The following MTARC1 variants were observed in gnomAD, a reference collection of about 807,000 sequenced individuals.
The protein encoded by MTARC1 is mitochondrial amidoxime reducing component 1, also known as mitochondrial amidoxime-reducing component 1.
MTARC1 carries 24 observed loss-of-function variants against 33.6 expected under a neutral mutation model. The ratio of observed to expected loss-of-function variants is 0.72; its 90% CI spans 0.52 to 1.01. The LOEUF is 1.01. Among genes scored for constraint, MTARC1 ranks in the 50% least tolerant of loss-of-function variants. The probability of loss-of-function intolerance (pLI) is 0.00; values close to 1 mark genes in which losing one functional copy is unlikely to be tolerated. For missense variants in MTARC1, 417 were observed against 445.7 expected, an observed-to-expected ratio of 0.94 and a Z score of 0.58; for synonymous variants, 187 against 189.5, an observed-to-expected ratio of 0.99 and a Z score of 0.11.
intron 4 of MTARC1, among the ~76,000 whole-genome samples, chr1:220,801,996 G>A (rs575562298): frequency 7.2e-5 from 11 of 152,194 alleles, no homozygotes; most frequent in East Asian, 3.9e-4. Flanking sequence ...GTCAGTGACC[G>A]TTTCTCAGTC....
At chr1:220,812,692 AGAT>A (rs757789975) in intron 6 of MTARC1, among the ~76,000 whole-genome samples, 1 of 152,138 alleles carries the variant, frequency 6.6e-6, no homozygotes, top group South Asian at 2.1e-4. Flanking sequence ...GGGCAAAGGA[AGAT>A]GATAAAGTAT....
intron 1 of MTARC1, 23 bp downstream of exon 1, chr1:220,787,242 G>A: frequency 1.9e-6 from 3 of 1,548,324 alleles, no homozygotes; most frequent in Non-Finnish European, 2.6e-6. Flanking sequence ...GCCGGCGCGG[G>A]GCAGCGCTGA....
intron 6 of MTARC1, chr1:220,808,862 A>G (rs776127605): frequency 6.4e-6 from 3 of 471,166 alleles, no homozygotes; most frequent in Non-Finnish European, 1.3e-5. Context: ...TCTTAAGGGA[A>G]AGTGACGTAC....
At chr1:220,792,197 C>A (rs1672446433) in intron 2 of MTARC1, among the ~76,000 whole-genome samples, 1 of 152,192 alleles carries the variant, frequency 6.6e-6, no homozygotes, top group Admixed American at 6.5e-5. Context: ...CAGCCAGCGG[C>A]TGCCCAGGGG....
In MTARC1 at chr1:220,791,543, C is replaced by G. The variant is rs1476661162; in HGVS notation, c.328C>G (p.Pro110Ala). 1 of 1,614,170 alleles carries G rather than the reference C, an allele frequency of 6.2e-7. No homozygotes were observed. The highest frequency in any genetic ancestry group is 1.1e-5 in the South Asian group (1 of 91,086). ...EGNMVTARQE[P>A]RLVLISLTCD... ...AAACATGGTTACTGCTCGCCAGGAA[C>G]CTCGCCTGGTCCTGATTTCCCTGAC... The change falls in exon 2 of 7, where the codon CCT becomes GCT. Residue 110 changes from proline to alanine, a missense_variant. Physicochemically the swap from Pro to Ala is conservative, Grantham distance 27. Coordinates refer to ENST00000366910, the MANE Select transcript of MTARC1 (RefSeq NM_022746.4).
chr1:220,787,686 A>G (rs978344427), intron 1 of MTARC1, among the ~76,000 whole-genome samples: 14 of 152,146 alleles, frequency 9.2e-5, no homozygotes, highest in Non-Finnish European at 2.9e-5. Flanking sequence ...CATAATAGTA[A>G]TGACAGCAGT....
At chr1:220,803,947 G>C (rs769016545) in intron 4 of MTARC1, among the ~76,000 whole-genome samples, 2 of 152,088 alleles carry the variant, frequency 1.3e-5, no homozygotes, top group Non-Finnish European at 2.9e-5. Context: ...CAAAACCCCT[G>C]TGTCATATAT....
chr1:220,787,918 G>T (rs1162052937), intron 1 of MTARC1, among the ~76,000 whole-genome samples: 1 of 152,190 alleles, frequency 6.6e-6, no homozygotes, highest in African/African-American at 2.4e-5. Flanking sequence ...TGAGGCAGGA[G>T]AATAGCTTGA....
In MTARC1 at chr1:220,811,098, G is replaced by A. The variant is rs1226997435; in HGVS notation, c.888-2194G>A. Among the ~76,000 whole-genome samples, 5 of 152,114 alleles carry A rather than the reference G, an allele frequency of 3.3e-5. No individual in the cohort carries two copies. In the East Asian group the frequency reaches 7.7e-4, roughly 23 times the overall value. On this transcript the variant is annotated intron_variant, in intron 6 of 6. Coordinates refer to ENST00000366910, the MANE Select transcript of MTARC1 (RefSeq NM_022746.4). ...TTAGACTGCAGAGCTTGGCAGCAAC[G>A]GAAACACCCATACAAGCAGCTGATG...
chr1:220,806,270 G>A (rs1672969549), intron 6 of MTARC1, among the ~76,000 whole-genome samples: 1 of 152,186 alleles, frequency 6.6e-6, no homozygotes, highest in South Asian at 2.1e-4. Context: ...ATTGAATGCT[G>A]AGTCACAGGC....
intron 6 of MTARC1, among the ~76,000 whole-genome samples, chr1:220,808,536 C>G (rs910736418): frequency 6.6e-6 from 1 of 152,232 alleles, no homozygotes; most frequent in Non-Finnish European, 1.5e-5. Context: ...GGGAAGCAAA[C>G]AGTGGTGTCC....
chr1:220,798,333 A>T, intron 4 of MTARC1: 1 of 1,230,652 alleles, frequency 8.1e-7, no homozygotes, highest in Non-Finnish European at 1.0e-6. Context: ...GGGCCATGGA[A>T]CAAAGAAAGT....
At chr1:220,787,471 G>A (rs1042406745) in intron 1 of MTARC1, among the ~76,000 whole-genome samples, 9 of 152,302 alleles carry the variant, frequency 5.9e-5, no homozygotes, top group Admixed American at 3.3e-4. Flanking sequence ...ACCTCCCACT[G>A]GCTCTTTGGC....
intron 4 of MTARC1, among the ~76,000 whole-genome samples, chr1:220,804,053 C>T (rs770312184): frequency 2.0e-5 from 3 of 152,266 alleles, no homozygotes; most frequent in South Asian, 4.1e-4. Context: ...CTTTGCCTTC[C>T]GCCCTCGTGT....
Position 220,816,605 on chromosome 1 carries a change from G to A in MTARC1, c.*3187G>A, listed in dbSNP as rs2102616070. The A allele has an allele frequency of 6.6e-6, 1 of 152,360 alleles. No individual in the cohort carries two copies. The highest frequency in any genetic ancestry group is 2.1e-4 in the South Asian group (1 of 4,832). The allele number at this position is 152,360 out of a possible 1,614,324, so 9.4% of individuals were successfully genotyped here. On this transcript the variant is annotated 3_prime_UTR_variant, in exon 7 of 7. Coordinates refer to ENST00000366910, the MANE Select transcript of MTARC1 (RefSeq NM_022746.4). Reference sequence around the variant, plus strand: ...TTAATGCTGCCCTTCCCAAAGGTCTGTTTTTGACTGTCTTTTGAGAAATGA... The same window carrying A: ...TTAATGCTGCCCTTCCCAAAGGTCTATTTTTGACTGTCTTTTGAGAAATGA...
At chr1:220,799,252 AG>A in intron 4 of MTARC1, 4 of 884,844 alleles carry the variant, frequency 4.5e-6, no homozygotes, top group Non-Finnish European at 5.4e-6. Context: ...TTTCTTCTAA[AG>A]ATGGTGGAGA....
intron 2 of MTARC1, chr1:220,793,786 AG>A (rs919834424): frequency 3.8e-4 from 58 of 152,216 alleles, no homozygotes; most frequent in African/African-American, 1.3e-3. Flanking sequence ...AAAGGGTCAA[AG>A]GTTATAGGAG....
Position 220,819,362 on chromosome 1 carries a change from T to C in MTARC1, c.*5944T>C, listed in dbSNP as rs931834537. ...ATCTCGTTAATGTGGCCAAGATAAA[T>C]GCAAGTCTATATTTTAAGGCAGTCG... On this transcript the variant is annotated 3_prime_UTR_variant, in exon 7 of 7. Coordinates refer to ENST00000366910, the MANE Select transcript of MTARC1 (RefSeq NM_022746.4). The C allele has an allele frequency of 6.6e-6, 1 of 152,210 alleles. No individual in the cohort carries two copies. Among genetic ancestry groups the C allele is most frequent in the African/African-American group, 2.4e-5 (1 of 41,450 alleles). The allele number at this position is 152,210 out of a possible 1,614,324, so 9.4% of individuals were successfully genotyped here. A position where few individuals can be genotyped will look rare whatever the true frequency, so the allele number is the denominator to read the frequency against.
At chr1:220,804,004 T>G (rs1672892124) in intron 4 of MTARC1, among the ~76,000 whole-genome samples, 1 of 152,220 alleles carries the variant, frequency 6.6e-6, no homozygotes, top group Non-Finnish European at 1.5e-5. Context: ...GAGCTCATGA[T>G]CATCCAAGGA....
Sources: allele counts gnomAD v4.1 joint callset (sites outside exome capture counted in the v4.1 genomes callset), GRCh38; gene constraint gnomAD v4.1.1; transcripts MANE v1.5; gene names NCBI Gene and HGNC (gene_info 2026-07-23, HGNC 2026-07-21).